Variants in PITX3 observed in about 807,000 individuals in gnomAD.
PITX3 encodes pituitary homeobox 3.
In PITX3, 4 loss-of-function variants were observed where a neutral mutation model predicts 14.2. The ratio of observed to expected loss-of-function variants is 0.28; its 90% CI spans 0.14 to 0.65. The LOEUF (loss-of-function observed/expected upper bound fraction) is 0.65. Among genes scored for constraint, PITX3 ranks in the 30% least tolerant of loss-of-function variants. PITX3 has a pLI of 0.82. For missense variants in PITX3, 358 were observed against 426.8 expected, an observed-to-expected ratio of 0.84 and a Z score of 1.42; for synonymous variants, 194 against 204.5, an observed-to-expected ratio of 0.95 and a Z score of 0.44.
At chr10:102,235,074 A>T (rs2070349146) in intron 1 of PITX3, among the ~76,000 whole-genome samples, 1 of 152,006 alleles carries the variant, frequency 6.6e-6, no homozygotes, top group African/African-American at 2.4e-5. Flanking sequence ...GCGCTGCCAC[A>T]TCCAGGCAGA....
At chr10:102,232,597 G>T (rs561886554) in intron 1 of PITX3, among the ~76,000 whole-genome samples, 2 of 152,156 alleles carry the variant, frequency 1.3e-5, no homozygotes, top group Non-Finnish European at 2.9e-5. Flanking sequence ...CAGGAGAATC[G>T]CTTGAACCTG....
Position 102,231,910 on chromosome 10 carries a change from G to T in PITX3, c.118+53C>A, listed in dbSNP as rs2070253014. ...GGGCTGCCCAGCCGGGGTCCCACCC[G>T]CACTGGGGATGAAGCTGTTATGTCC... is the stretch of plus-strand genomic sequence containing the variant. On this transcript the variant is annotated intron_variant, in intron 2 of 3. Coordinates refer to ENST00000370002, the MANE Select transcript of PITX3 (RefSeq NM_005029.4). 2.6e-6 allele frequency: 4 copies of T among 1,550,986 alleles called. No homozygotes were observed. In the South Asian group the frequency reaches 3.3e-5, roughly 13 times the overall value.
At position 102,234,916 on chromosome 10, in the gene PITX3, G is replaced by A. The variant is rs2070344196; in HGVS notation, c.-12-2824C>T. Among the ~76,000 whole-genome samples, 4 of 152,146 alleles carry A rather than the reference G, an allele frequency of 2.6e-5. No individual in the cohort carries two copies. In the South Asian group the frequency reaches 8.3e-4, roughly 31 times the overall value. ...CAGGGTGAGAAGGGATATGGGCGAG[G>A]AAAAGCCGAGGCCAGAAAGCCGAGT... is the stretch of plus-strand genomic sequence containing the variant. On this transcript the variant is annotated intron_variant, in intron 1 of 3. Transcript: ENST00000370002.
intron 1 of PITX3, among the ~76,000 whole-genome samples, chr10:102,240,353 C>T (rs1048355222): frequency 2.6e-5 from 4 of 152,252 alleles, no homozygotes; most frequent in Non-Finnish European, 5.9e-5. Context: ...CTGATCTATT[C>T]TGAATTGAAG....
In PITX3 at chr10:102,231,784, T is replaced by C; in HGVS notation, c.125A>G (p.Glu42Gly). The change falls in exon 3 of 4, where the codon GAA becomes GGA. Residue 42 changes from glutamate (E) to glycine (G), a missense_variant. By Grantham distance (98) the Glu-to-Gly change is moderately conservative. Around this residue, in one of 3 missense-constraint regions of PITX3, gnomAD observed 72 missense variants for 79.9 expected, o/e 0.90. Transcript: ENST00000370002. ...GCKGQEHSDS[E>G]KASASLPGGS... is the part of the protein sequence containing the mutation. ...GCCGGGCAGCGAAGCCGAGGCCTTT[T>C]CTGAGTCTGGGGGCCAGGGTGGGGG... 6.2e-7 allele frequency: 1 copy of C among 1,601,788 alleles called. No homozygotes were observed. The highest frequency in any genetic ancestry group is 8.5e-7 in the Non-Finnish European group (1 of 1,177,168).
At chr10:102,237,439 A>T (rs1465697175) in intron 1 of PITX3, among the ~76,000 whole-genome samples, 1 of 152,102 alleles carries the variant, frequency 6.6e-6, no homozygotes, top group Non-Finnish European at 1.5e-5. Flanking sequence ...GCCACGGGAG[A>T]TCTGCAGAGA....
Position 102,230,978 on chromosome 10 carries a change from G to A in PITX3, c.445C>T (p.Pro149Ser). ...GLVPPYEEVY[P>S]GYSYGNWPPK... Reference sequence around the variant, plus strand: ...GGCCAGTTGCCGTACGAGTAGCCGGGGTACACCTCCTCGTAGGGCGGCACC... The same window carrying A: ...GGCCAGTTGCCGTACGAGTAGCCGGAGTACACCTCCTCGTAGGGCGGCACC... The change falls in exon 4 of 4, where the codon CCC becomes TCC. Residue 149 changes from proline to serine, a missense_variant. Pro to Ser is a moderately conservative substitution (Grantham distance 74). Coordinates refer to ENST00000370002, the MANE Select transcript of PITX3 (RefSeq NM_005029.4). The A allele has an allele frequency of 1.2e-6, 2 of 1,606,976 alleles. No homozygotes were observed. The highest frequency in any genetic ancestry group is 1.7e-6 in the Non-Finnish European group (2 of 1,177,844).
chr10:102,234,645 C>T lies in PITX3; in HGVS notation c.-12-2553G>A, dbSNP rs1237218859. On this transcript the variant is annotated intron_variant, in intron 1 of 3. Transcript: ENST00000370002. Reference sequence around the variant, plus strand: ...CTCTGAAGTCTCCCCTTACTTCATACCCCTTACTTCATACCCAAGATGCCC... The same window carrying T: ...CTCTGAAGTCTCCCCTTACTTCATATCCCTTACTTCATACCCAAGATGCCC... Among the ~76,000 whole-genome samples, 3 of 152,158 alleles carry T rather than the reference C, an allele frequency of 2.0e-5. No homozygotes were observed. The East Asian group carries it at 5.8e-4, about 29-fold the overall frequency.
chr10:102,230,803 C>G lies in PITX3; in HGVS notation c.620G>C (p.Gly207Ala). Residue 207 changes from glycine to alanine, a missense_variant, in exon 4 of 4, where the codon GGC (glycine) becomes GCC (alanine). Physicochemically the swap from Gly to Ala is moderately conservative, Grantham distance 60. Coordinates refer to ENST00000370002, the MANE Select transcript of PITX3 (RefSeq NM_005029.4). ...SMVPSAAAAPGTVPGPGALQG... is the reference protein window; with the variant it reads ...SMVPSAAAAPATVPGPGALQG... ...CAGGGCCCCAGGCCCTGGCACGGTG[C>G]CCGGGGCAGCCGCGGCGGAGGGCAC... 1.9e-6 allele frequency: 3 copies of G among 1,553,418 alleles called. No homozygotes were observed. The highest frequency in any genetic ancestry group is 2.6e-6 in the Non-Finnish European group (3 of 1,149,154).
At chr10:102,231,131 C>A in intron 3 of PITX3, 30 bp from the exon 4 acceptor site, 1 of 1,492,068 alleles carries the variant, frequency 6.7e-7, no homozygotes, top group Non-Finnish European at 8.9e-7. Flanking sequence ...GCGGTCAGGG[C>A]CCGGGGCCGG....
chr10:102,232,988 A>G (rs1477826844), intron 1 of PITX3, among the ~76,000 whole-genome samples: 1 of 152,226 alleles, frequency 6.6e-6, no homozygotes, highest in African/African-American at 2.4e-5. Flanking sequence ...CTGCTGAGGA[A>G]ACCGTAACTT....
At chr10:102,232,729 A>G (rs1354980913) in intron 1 of PITX3, among the ~76,000 whole-genome samples, 1 of 152,142 alleles carries the variant, frequency 6.6e-6, no homozygotes, top group African/African-American at 2.4e-5. Flanking sequence ...TACATACCCT[A>G]TACTACATCT....
rs1199650545 is a variant in PITX3 at position 102,230,605 on chromosome 10, T to C, written c.818A>G (p.Gln273Arg). Residue 273 changes from glutamine (Q) to arginine (R), a missense_variant, in exon 4 of 4, where the codon CAG becomes CGG. By Grantham distance (43) the Gln-to-Arg change is conservative. Around this residue, in one of 3 missense-constraint regions of PITX3, gnomAD observed 236 missense variants for 250.2 expected, o/e 0.94. Transcript: ENST00000370002. ...SLASLRLKAK[Q>R]HASFSYPAVH... ...AGCGGGGTAGCTGAAGGAGGCGTGC[T>C]GTTTGGCTTTGAGCCGCAGGCTGGC... 1.2e-6 allele frequency: 2 copies of C among 1,610,888 alleles called. No individual in the cohort carries two copies.
chr10:102,231,954 C>A lies in PITX3; in HGVS notation c.118+9G>T, dbSNP rs1229574733. On this transcript the variant is annotated intron_variant, in intron 2 of 3. Coordinates refer to ENST00000370002, the MANE Select transcript of PITX3 (RefSeq NM_005029.4). Reference sequence around the variant, plus strand: ...TATGTCCTGCACCCCCGGAAGGGGGCGCGCTTACCGCTGTGCTCCTGGCCC... The same window carrying A: ...TATGTCCTGCACCCCCGGAAGGGGGAGCGCTTACCGCTGTGCTCCTGGCCC... 1 of 1,597,002 alleles carries A rather than the reference C, an allele frequency of 6.3e-7. No homozygotes were observed. The highest frequency in any genetic ancestry group is 8.6e-7 in the Non-Finnish European group (1 of 1,167,892).
chr10:102,238,403 C>T (rs1382553436), intron 1 of PITX3, among the ~76,000 whole-genome samples: 1 of 152,244 alleles, frequency 6.6e-6, no homozygotes, highest in Non-Finnish European at 1.5e-5. Flanking sequence ...GAGCAGGAGG[C>T]AGGCAGAGAT....
intron 1 of PITX3, among the ~76,000 whole-genome samples, chr10:102,236,782 G>C (rs2070406811): frequency 6.6e-6 from 1 of 152,218 alleles, no homozygotes; most frequent in Non-Finnish European, 1.5e-5. Context: ...GAGGCTGGAG[G>C]CATAACCTGG....
Position 102,232,140 on chromosome 10 carries a change from C to T in PITX3, c.-12-48G>A, listed in dbSNP as rs1178083454. The T allele has an allele frequency of 3.8e-6, 4 of 1,065,782 alleles. No individual in the cohort carries two copies. In the Admixed American group the frequency reaches 7.8e-5, roughly 21 times the overall value. 66.0% of individuals were successfully genotyped at this position (1,065,782 alleles called of 1,614,324 possible). On this transcript the variant is annotated intron_variant, in intron 1 of 3. Transcript: ENST00000370002. ...ACCAGGGTAATGGGGGTAAAATCTCCGGCTTAGCTAGGTCCCAGCAGCGTT... is the reference window on the plus strand; with the variant it reads ...ACCAGGGTAATGGGGGTAAAATCTCTGGCTTAGCTAGGTCCCAGCAGCGTT...
In PITX3 at chr10:102,230,656, T is replaced by A. The variant is rs768545639; in HGVS notation, c.767A>T (p.Tyr256Phe). ...CAGGCTCGAGTTACACGGGTCCCGA[T>A]AGACGTAGGGGGAAGAGGCGGCAGC... ...AAAAASSPYV[Y>F]RDPCNSSLAS... Residue 256 changes from tyrosine to phenylalanine, a missense_variant, in exon 4 of 4, where the codon TAT becomes TTT. This residue lies in a region of PITX3 where 236 missense variants were observed against 250.2 expected (regional missense o/e 0.94). Coordinates refer to ENST00000370002, the MANE Select transcript of PITX3 (RefSeq NM_005029.4). 4 of 1,599,456 alleles carry A rather than the reference T, an allele frequency of 2.5e-6. No individual in the cohort carries two copies. The highest frequency in any genetic ancestry group is 2.6e-6 in the Non-Finnish European group (3 of 1,173,770).
At chr10:102,235,172 A>ACC (rs777123799) in intron 1 of PITX3, among the ~76,000 whole-genome samples, 1,987 of 77,056 alleles carry the variant, frequency 0.026, 20 homozygotes, top group Middle Eastern at 0.036. Flanking sequence ...CCCTTCCCCC[A>ACC]CCCCCCACCC....
Sources: allele counts gnomAD v4.1 joint callset (sites outside exome capture counted in the v4.1 genomes callset), GRCh38; gene constraint gnomAD v4.1.1; regional missense constraint gnomAD v4.1.1; transcripts MANE v1.5; gene names NCBI Gene and HGNC (gene_info 2026-07-23, HGNC 2026-07-21).